NHSL1: variants seen among roughly 807,000 people sequenced by gnomAD.
NHSL1 encodes NHS like 1, also known as NHS-like protein 1.
NHSL1 carries 48 observed loss-of-function variants against 95.0 expected under a neutral mutation model. That is an observed-to-expected ratio of 0.51 (90% CI 0.40 to 0.64). The LOEUF (loss-of-function observed/expected upper bound fraction) is 0.64, where lower values mean the gene tolerates loss of function less well. Ranked by LOEUF, NHSL1 falls within the 30% of genes least tolerant of loss-of-function variation. NHSL1 has a pLI of 0.00. For synonymous variants in NHSL1, 783 were observed against 833.9 expected (o/e 0.94, Z 1.05); for missense variants, 1,971 against 2,077.7 (o/e 0.95, Z 1.00).
In NHSL1 at chr6:138,424,436, C is replaced by G; in HGVS notation, c.4466G>C (p.Ser1489Thr). 1 of 1,550,850 alleles carries G rather than the reference C, an allele frequency of 6.4e-7. No homozygotes were observed. The highest frequency in any genetic ancestry group is 8.7e-7 in the Non-Finnish European group (1 of 1,146,436). The change falls in exon 8 of 8, where the codon AGT becomes ACT. Residue 1489 changes from serine (S) to threonine (T), a missense_variant. By Grantham distance (58) the Ser-to-Thr change is moderately conservative (BLOSUM62 1). Around this residue, in one of 3 missense-constraint regions of NHSL1, gnomAD observed 223 missense variants for 217.0 expected, o/e 1.03. Transcript: ENST00000343505. The surrounding 1 kb of genome is among the most constrained non-coding windows in gnomAD (Gnocchi z 5.9). ...GTACCTGGGGCCGGAAAAGGACAGA[C>G]TCCGAGGCATCAAGCCTTCGTTCTT... ...WAKNEGLMPR[S>T]LSFSGPRYGR...
intron 2 of NHSL1, among the ~76,000 whole-genome samples, chr6:138,478,295 T>C (rs536791429): frequency 1.3e-5 from 2 of 152,242 alleles, no homozygotes; most frequent in South Asian, 4.1e-4. Flanking sequence ...AATGTTTTAA[T>C]AGCAGTATAA....
intron 1 of NHSL1, among the ~76,000 whole-genome samples, chr6:138,684,591 G>A (rs2114793242): frequency 6.6e-6 from 1 of 152,182 alleles, no homozygotes; most frequent in African/African-American, 2.4e-5. Flanking sequence ...GTTGCAGTGA[G>A]CCAAGATCGC....
chr6:138,428,991 T>G (rs760023960), intron 7 of NHSL1, among the ~76,000 whole-genome samples: 1 of 152,206 alleles, frequency 6.6e-6, no homozygotes, highest in South Asian at 2.1e-4. Context: ...GTCAGCTGTT[T>G]CCAATCAGAA....
chr6:138,675,586 G>A (rs1785437959), intron 1 of NHSL1, among the ~76,000 whole-genome samples: 1 of 152,012 alleles, frequency 6.6e-6, no homozygotes. Flanking sequence ...CCAGACTGGA[G>A]TGCAGTGGTG....
chr6:138,453,829 G>C (rs1256824562), intron 3 of NHSL1, among the ~76,000 whole-genome samples: 2 of 152,180 alleles, frequency 1.3e-5, no homozygotes, highest in East Asian at 3.8e-4. Context: ...TTACAGGCTT[G>C]AGCCACTGCA....
At chr6:138,545,582 A>G (rs1034879978) in intron 1 of NHSL1, 1 of 1,249,988 alleles carries the variant, frequency 8.0e-7, no homozygotes, top group African/African-American at 1.5e-5. Flanking sequence ...ATCTTCCCCA[A>G]GTAGAACTTT....
intron 3 of NHSL1, among the ~76,000 whole-genome samples, chr6:138,453,080 T>A (rs1171268367): frequency 6.6e-6 from 1 of 151,968 alleles, no homozygotes; most frequent in Admixed American, 6.6e-5. Context: ...GTTCAAGCAA[T>A]TCTCCTGCCT....
At chr6:138,568,445 T>C (rs186611739) in intron 1 of NHSL1, among the ~76,000 whole-genome samples, 2 of 152,304 alleles carry the variant, frequency 1.3e-5, no homozygotes, top group Admixed American at 6.5e-5. Flanking sequence ...ATTCCACTTT[T>C]TTACTATAAA....
chr6:138,651,594 T>G (rs1354310611), intron 1 of NHSL1, among the ~76,000 whole-genome samples: 2 of 152,212 alleles, frequency 1.3e-5, no homozygotes, highest in Non-Finnish European at 2.9e-5. Flanking sequence ...AGGAATGTTT[T>G]CCAAGAGGAA....
intron 2 of NHSL1, among the ~76,000 whole-genome samples, chr6:138,480,043 T>C (rs889623809): frequency 2.0e-5 from 3 of 152,032 alleles, no homozygotes; most frequent in Admixed American, 6.6e-5. Flanking sequence ...GAAAATGATA[T>C]GGGAAGATGA....
chr6:138,644,225 A>C (rs926147107), intron 1 of NHSL1, among the ~76,000 whole-genome samples: 1 of 152,072 alleles, frequency 6.6e-6, no homozygotes, highest in African/African-American at 2.4e-5. Context: ...ATTTCTGGCC[A>C]GGTGCGGTGG....
chr6:138,520,581 C>T (rs1781638682), intron 1 of NHSL1, among the ~76,000 whole-genome samples: 1 of 152,128 alleles, frequency 6.6e-6, no homozygotes, highest in Non-Finnish European at 1.5e-5. Context: ...TGAGCCACTG[C>T]GCCCAGCAGT....
At chr6:138,589,687 T>C (rs755085239) in intron 1 of NHSL1, among the ~76,000 whole-genome samples, 1 of 152,140 alleles carries the variant, frequency 6.6e-6, no homozygotes, top group Non-Finnish European at 1.5e-5. Context: ...TAGGAATGAA[T>C]TGGTTTCCTC....
upstream of NHSL1, among the ~76,000 whole-genome samples, chr6:138,572,847 GTAGATAGATAGA>G (rs60380179): frequency 0.013 from 1,974 of 149,846 alleles, 18 homozygotes; most frequent in Non-Finnish European, 0.019. Flanking sequence ...GCTTAATACA[GTAGATAGATAGA>G]TAGATAGATA....
rs1248056970 is a variant in NHSL1 at position 138,432,138 on chromosome 6, G to A, written c.2207C>T (p.Ser736Phe). 37 of 1,549,378 alleles carry A rather than the reference G, an allele frequency of 2.4e-5. No homozygotes were observed. Among genetic ancestry groups the A allele is most frequent in the East Asian group, 4.9e-5 (2 of 40,878 alleles). ...AGCACTAACTGTGCTCTGGCTCCGGGAGCGGGGCAGCCAGGGCTCTTCCAA... is the reference window on the plus strand; with the variant it reads ...AGCACTAACTGTGCTCTGGCTCCGGAAGCGGGGCAGCCAGGGCTCTTCCAA... ...SDLEEPWLPR[S>F]RSQSTVSAGS... Residue 736 changes from serine to phenylalanine, a missense_variant, in exon 6 of 8, where the codon TCC becomes TTC. Coordinates refer to ENST00000343505, the MANE Select transcript of NHSL1 (RefSeq NM_001144060.2). The surrounding 1 kb of genome is among the most constrained non-coding windows in gnomAD (Gnocchi z 4.4).
At position 138,430,173 on chromosome 6, in the gene NHSL1, T is replaced by C. The variant is rs1042199662; in HGVS notation, c.3952+220A>G. Among the ~76,000 whole-genome samples, 1 of 152,194 alleles carries C rather than the reference T, an allele frequency of 6.6e-6. No homozygotes were observed. ...CTGCAGATCATCTCCATCCCCCTAT[T>C]TTCTGCCATGCCTTTAGGTCTAGAT... On this transcript the variant is annotated intron_variant, in intron 6 of 7. Transcript: ENST00000343505. The surrounding 1 kb of genome is among the most constrained non-coding windows in gnomAD (Gnocchi z 4.7).
chr6:138,451,984 A>C (rs1777269465), intron 3 of NHSL1, among the ~76,000 whole-genome samples: 1 of 152,260 alleles, frequency 6.6e-6, no homozygotes, highest in Non-Finnish European at 1.5e-5. Context: ...AGAATGACCC[A>C]AGTAGCATTC....
chr6:138,558,118 G>T (rs1238639588), intron 1 of NHSL1, among the ~76,000 whole-genome samples: 1 of 151,834 alleles, frequency 6.6e-6, no homozygotes, highest in Non-Finnish European at 1.5e-5. Flanking sequence ...AATTACCAGG[G>T]TTTTTTGGGG....
upstream of NHSL1, among the ~76,000 whole-genome samples, chr6:138,574,308 T>G (rs1783928684): frequency 6.6e-6 from 1 of 152,154 alleles, no homozygotes; most frequent in Non-Finnish European, 1.5e-5. Context: ...CTCTCTTCTT[T>G]CTGAGTAGAA....
Sources: gnomAD v4.1 joint callset for allele counts (sites outside exome capture counted in the v4.1 genomes callset) on GRCh38, gnomAD v4.1.1 for gene constraint, gnomAD v4.1.1 regional missense constraint, Gnocchi (gnomAD v3.1) non-coding constraint, MANE v1.5 for transcripts, NCBI Gene and HGNC (gene_info 2026-07-23, HGNC 2026-07-21) for gene names.